EPHA6: variants seen among roughly 807,000 people sequenced by gnomAD.
The protein encoded by EPHA6 is ephrin type-A receptor 6.
A neutral mutation model predicts 112.0 loss-of-function variants in EPHA6; 50 were observed. The ratio of observed to expected loss-of-function variants is 0.45; its 90% confidence interval spans 0.36 to 0.56. The LOEUF (loss-of-function observed/expected upper bound fraction) is 0.56. Ranked by LOEUF, EPHA6 falls within the 20% of genes least tolerant of loss-of-function variation. The pLI is 0.00. For missense variants in EPHA6, 1,280 were observed against 1,417.4 expected, an observed-to-expected ratio of 0.90 and a Z score of 1.56; for synonymous variants, 529 against 490.7, an observed-to-expected ratio of 1.08 and a Z score of -1.03.
intron 6 of EPHA6, among the ~76,000 whole-genome samples, chr3:97,414,864 C>T (rs2088003702): frequency 6.6e-6 from 1 of 152,000 alleles, no homozygotes; most frequent in African/African-American, 2.4e-5. Flanking sequence ...CCTATTGTCC[C>T]TCATGACCTC....
At chr3:97,469,077 T>C (rs1321855643) in intron 7 of EPHA6, among the ~76,000 whole-genome samples, 2 of 151,722 alleles carry the variant, frequency 1.3e-5, no homozygotes, top group Admixed American at 1.3e-4. Context: ...ATAAAATATA[T>C]TGGACTTATC....
At chr3:97,679,706 A>G (rs910482124) in intron 14 of EPHA6, among the ~76,000 whole-genome samples, 2 of 152,166 alleles carry the variant, frequency 1.3e-5, no homozygotes, top group Admixed American at 6.6e-5. Context: ...GCATGTACAT[A>G]GCAGGATCAG....
intron 10 of EPHA6, among the ~76,000 whole-genome samples, chr3:97,523,618 A>G (rs1445137164): frequency 6.6e-6 from 1 of 152,018 alleles, no homozygotes; most frequent in Non-Finnish European, 1.5e-5. Flanking sequence ...TTGAAAGTGC[A>G]GTATTTACTA....
chr3:97,408,779 C>T (rs1249447108), intron 6 of EPHA6, among the ~76,000 whole-genome samples: 2 of 151,930 alleles, frequency 1.3e-5, no homozygotes, highest in African/African-American at 2.4e-5. Context: ...CACCTAATCA[C>T]CTCCCAAAGA....
chr3:97,162,504 C>G (rs1282900694), intron 3 of EPHA6, among the ~76,000 whole-genome samples: 3 of 152,166 alleles, frequency 2.0e-5, no homozygotes, highest in African/African-American at 4.8e-5. Context: ...AGCCCCTACT[C>G]TAACTGGTAG....
intron 3 of EPHA6, among the ~76,000 whole-genome samples, chr3:97,214,038 T>TGTGTGTGTGAGAGAGAGA (rs1491420279): frequency 1.5e-4 from 12 of 77,780 alleles, no homozygotes; most frequent in African/African-American, 3.5e-4. Context: ...TGTGTGTGTG[T>TGTGTGTGTGAGAGAGAGA]GAGAGAGAGA....
chr3:97,454,846 T>C (rs533315849), intron 7 of EPHA6, among the ~76,000 whole-genome samples: 4 of 152,014 alleles, frequency 2.6e-5, no homozygotes, highest in Non-Finnish European at 5.9e-5. Context: ...TGGTAGCACA[T>C]GAAGCAGAAA....
intron 7 of EPHA6, among the ~76,000 whole-genome samples, chr3:97,474,608 T>TA (rs1165826819): frequency 2.6e-5 from 4 of 151,952 alleles, no homozygotes; most frequent in Admixed American, 2.0e-4. Context: ...ATTATTAATA[T>TA]AAAAAATTAG....
intron 6 of EPHA6, among the ~76,000 whole-genome samples, chr3:97,418,526 T>C (rs1365495516): frequency 6.6e-6 from 1 of 152,002 alleles, no homozygotes; most frequent in African/African-American, 2.4e-5. Flanking sequence ...CTTACCACAA[T>C]AGAAAGTAGA....
At chr3:97,027,219 A>G (rs1488476707) in intron 3 of EPHA6, among the ~76,000 whole-genome samples, 4 of 152,302 alleles carry the variant, frequency 2.6e-5, no homozygotes, top group South Asian at 2.1e-4. Context: ...GTTCTCACTT[A>G]TAAGTGGGAG....
intron 16 of EPHA6, among the ~76,000 whole-genome samples, chr3:97,745,171 C>A (rs929736268): frequency 6.6e-6 from 1 of 151,956 alleles, no homozygotes; most frequent in Non-Finnish European, 1.5e-5. Context: ...ACTTAAAAAT[C>A]TGCTTCACAA....
At chr3:97,493,204 A>G (rs1355718957) in intron 10 of EPHA6, among the ~76,000 whole-genome samples, 6 of 151,014 alleles carry the variant, frequency 4.0e-5, no homozygotes, top group Non-Finnish European at 7.4e-5. Flanking sequence ...TTGTGTTTGT[A>G]TGTGTGTGTG....
Position 97,405,264 on chromosome 3 carries a change from A to G in EPHA6, c.1721A>G (p.Tyr574Cys). 4 of 1,611,588 alleles carry G rather than the reference A, an allele frequency of 2.5e-6. No homozygotes were observed. The highest frequency in any genetic ancestry group is 3.4e-6 in the Non-Finnish European group (4 of 1,178,730). ...NGAILDYEIK[Y>C]YEKEHEQLTY... ...GCCATTCTGGACTACGAGATCAAGT[A>G]CTATGAGAAAGTAGGTCTTATTTGG... The change falls in exon 6 of 18, where the codon TAC becomes TGC. Residue 574 changes from tyrosine (Y) to cysteine (C), a missense_variant. Physicochemically the swap from Tyr to Cys is radical, Grantham distance 194. Transcript: ENST00000389672.
chr3:97,193,539 G>T (rs766882507), intron 3 of EPHA6, among the ~76,000 whole-genome samples: 1 of 151,900 alleles, frequency 6.6e-6, no homozygotes, highest in Non-Finnish European at 1.5e-5. Flanking sequence ...TTTTTTTGGT[G>T]AGTCCTTAAG....
intron 2 of EPHA6, among the ~76,000 whole-genome samples, chr3:96,950,028 C>G (rs551225470): frequency 1.3e-5 from 2 of 152,228 alleles, no homozygotes; most frequent in Admixed American, 1.3e-4. Flanking sequence ...TGTCTTCTAA[C>G]AAATAAAGTT....
intron 3 of EPHA6, among the ~76,000 whole-genome samples, chr3:97,030,504 C>CT (rs1229590978): frequency 6.6e-6 from 1 of 152,052 alleles, no homozygotes; most frequent in Non-Finnish European, 1.5e-5. Flanking sequence ...CCTTTAGTCT[C>CT]TAACTTTTTT....
At chr3:97,019,261 T>C (rs2044369454) in intron 3 of EPHA6, among the ~76,000 whole-genome samples, 1 of 152,196 alleles carries the variant, frequency 6.6e-6, no homozygotes, top group Admixed American at 6.5e-5. Flanking sequence ...TTTTATAGTT[T>C]ATTAATGCTC....
intron 6 of EPHA6, among the ~76,000 whole-genome samples, chr3:97,421,715 G>A (rs1209220085): frequency 6.6e-6 from 1 of 152,098 alleles, no homozygotes; most frequent in African/African-American, 2.4e-5. Context: ...ACATGCCTTG[G>A]CAGATACTTT....
chr3:96,893,876 A>C (rs1282033763), intron 2 of EPHA6, among the ~76,000 whole-genome samples: 1 of 152,228 alleles, frequency 6.6e-6, no homozygotes, highest in African/African-American at 2.4e-5. Context: ...TGTTCATTAC[A>C]TGATGGAAAA....
Sources: gnomAD v4.1 joint callset for allele counts (sites outside exome capture counted in the v4.1 genomes callset) on GRCh38, gnomAD v4.1.1 for gene constraint, MANE v1.5 for transcripts, NCBI Gene and HGNC (gene_info 2026-07-23, HGNC 2026-07-21) for gene names.